Variants in ADGRV1 observed in about 807,000 individuals in gnomAD.
The protein encoded by ADGRV1 is G-protein coupled receptor 98.
Under a neutral mutation model 596.2 loss-of-function variants are expected in ADGRV1, and 359 were observed. That is an observed-to-expected ratio of 0.60 (90% CI 0.55 to 0.66). The LOEUF (loss-of-function observed/expected upper bound fraction) is 0.66, where lower values mean the gene tolerates loss of function less well. Ranked by LOEUF, ADGRV1 falls within the 30% of genes least tolerant of loss-of-function variation. The pLI is 0.00. For synonymous variants in ADGRV1, 2,681 were observed against 2,679.2 expected (o/e 1.00, Z -0.02); for missense variants, 7,274 against 7,575.6 (o/e 0.96, Z 1.48).
At chr5:90,960,621 C>A (rs576647043) in intron 83 of ADGRV1, among the ~76,000 whole-genome samples, 1 of 151,986 alleles carries the variant, frequency 6.6e-6, no homozygotes, top group South Asian at 2.1e-4. Flanking sequence ...AAAGGAATAA[C>A]CAGGTATTAA....
rs78871034 is a variant in ADGRV1, at chr5:90,762,994, G to A, written c.12121-311G>A. On this transcript the variant is annotated intron_variant, in intron 58 of 89. Coordinates refer to ENST00000405460, the MANE Select transcript of ADGRV1 (RefSeq NM_032119.4). ...CCTGCCAAATGGAAAAGTAGAGGAT[G>A]TGGGGTCTTGTGTGGGTGTTTATGG... is the stretch of plus-strand genomic sequence containing the variant. The A allele has an allele frequency of 8.8e-3, 1,731 of 196,942 alleles. 39 individuals are homozygous for A. Among genetic ancestry groups the A allele is most frequent in the African/African-American group, 0.038 (1,631 of 43,132 alleles). 12.2% of individuals were successfully genotyped at this position (196,942 alleles called of 1,614,324 possible). A position where few individuals can be genotyped will look rare whatever the true frequency, so the allele number is the denominator to read the frequency against.
intron 83 of ADGRV1, among the ~76,000 whole-genome samples, chr5:90,956,638 C>A (rs1410224448): frequency 6.6e-6 from 1 of 152,126 alleles, no homozygotes; most frequent in African/African-American, 2.4e-5. Flanking sequence ...TTTCAGCCAG[C>A]CTTTGCACTC....
Position 90,810,725 on chromosome 5 carries a change from T to C in ADGRV1, c.15465T>C (p.Thr5155=). ...AVDTTLIPVE[T]ESTTYLSTSK... ...ACACAACTCTCATTCCTGTAGAAACTGAATCCACCACATACCTCAGCACAA... is the reference window on the plus strand; with the variant it reads ...ACACAACTCTCATTCCTGTAGAAACCGAATCCACCACATACCTCAGCACAA... The change falls in exon 74 of 90, where the codon ACT becomes ACC. Residue 5155 remains threonine, a synonymous_variant. Coordinates refer to ENST00000405460, the MANE Select transcript of ADGRV1 (RefSeq NM_032119.4). 1 of 1,613,830 alleles carries C rather than the reference T, an allele frequency of 6.2e-7. No individual in the cohort carries two copies. The highest frequency in any genetic ancestry group is 2.2e-5 in the East Asian group (1 of 44,868).
chr5:91,133,975 A>G (rs897041207), intron 87 of ADGRV1, among the ~76,000 whole-genome samples: 3 of 152,230 alleles, frequency 2.0e-5, no homozygotes, highest in African/African-American at 7.2e-5. Flanking sequence ...CTTCAGTTCC[A>G]TAAACTAATA....
chr5:90,644,019 T>C, intron 14 of ADGRV1, 36 bp downstream of exon 14: 2 of 1,315,262 alleles, frequency 1.5e-6, no homozygotes, highest in Non-Finnish European at 2.0e-6. Context: ...TATTTCTGTT[T>C]ACTGAAGAAG....
At chr5:91,038,904 A>G (rs571779597) in intron 85 of ADGRV1, among the ~76,000 whole-genome samples, 17 of 152,176 alleles carry the variant, frequency 1.1e-4, no homozygotes, top group East Asian at 3.9e-4. Flanking sequence ...TCCTACCAGT[A>G]TGATCCCTTT....
Position 90,711,164 on chromosome 5 carries a change from G to T in ADGRV1, c.8904-20G>T. On this transcript the variant is annotated intron_variant, in intron 40 of 89. Transcript: ENST00000405460. ...AAATTAATTTTTTTTGTTTGTTTTT[G>T]TTTTTTTGCTATATTATAGGTTTGA... 2 of 1,587,816 alleles carry T rather than the reference G, an allele frequency of 1.3e-6. No homozygotes were observed. Among genetic ancestry groups the T allele is most frequent in the Admixed American group, 3.7e-5 (2 of 54,250 alleles).
At chr5:90,765,471 A>AC (rs1561684844) in intron 59 of ADGRV1, among the ~76,000 whole-genome samples, 51 of 113,654 alleles carry the variant, frequency 4.5e-4, no homozygotes, top group Middle Eastern at 9.9e-3. Flanking sequence ...ACACACACAC[A>AC]AACTCTAGAT....
At chr5:91,043,578 C>G (rs901299213) in intron 85 of ADGRV1, among the ~76,000 whole-genome samples, 4 of 152,128 alleles carry the variant, frequency 2.6e-5, no homozygotes, top group African/African-American at 9.7e-5. Flanking sequence ...AATAAGCTCT[C>G]TGTGCCTCAG....
intron 48 of ADGRV1, 24 bp downstream of exon 48, chr5:90,725,680 G>T (rs62373960): frequency 1.1e-6 from 1 of 900,224 alleles, no homozygotes; most frequent in Non-Finnish European, 1.6e-6. Flanking sequence ...AAAATGAAGT[G>T]GGTTTTTTTT....
At chr5:91,073,459 A>G (rs1320064120) in intron 86 of ADGRV1, among the ~76,000 whole-genome samples, 1 of 152,216 alleles carries the variant, frequency 6.6e-6, no homozygotes, top group Admixed American at 6.5e-5. Flanking sequence ...TAGCATATAT[A>G]AGGTCTCTAG....
At chr5:90,932,337 C>T (rs539075320) in intron 83 of ADGRV1, among the ~76,000 whole-genome samples, 2 of 152,190 alleles carry the variant, frequency 1.3e-5, no homozygotes, top group African/African-American at 2.4e-5. Context: ...CAGGGTGTCC[C>T]GCTGACTTTC....
In ADGRV1 at chr5:90,622,731, ATTTATT is replaced by A. The variant is rs752540803; in HGVS notation, c.558+44_558+49del. ...GTTTACTCTGAAGTCATTTTATTTT[ATTTATT>A]TTTATTTTTATTTATTTATTTTTGA... On this transcript the variant is annotated intron_variant, in intron 5 of 89. Transcript: ENST00000405460. 42 of 975,002 alleles carry A rather than the reference ATTTATT, an allele frequency of 4.3e-5. No individual in the cohort carries two copies. The African/African-American group carries it at 6.7e-4, about 16-fold the overall frequency. The allele number at this position is 975,002 out of a possible 1,614,324, so 60.4% of individuals were successfully genotyped here.
In ADGRV1 at chr5:91,123,416, C is replaced by G. The variant is rs933559857; in HGVS notation, c.18432+21076C>G. Among the ~76,000 whole-genome samples, 8 of 152,108 alleles carry G rather than the reference C, an allele frequency of 5.3e-5. 1 individual carries two copies. Among genetic ancestry groups the G allele is most frequent in the African/African-American group, 1.4e-4 (6 of 41,488 alleles). On this transcript the variant is annotated intron_variant, in intron 87 of 89. Coordinates refer to ENST00000405460, the MANE Select transcript of ADGRV1 (RefSeq NM_032119.4). ...GAGGGCCTGTTTCTCGTAGATGGTG[C>G]CTTCTCTGTGTCCTCACATGGCAGA... is the stretch of plus-strand genomic sequence containing the variant.
At chr5:90,563,238 G>T (rs1755096440) in intron 1 of ADGRV1, among the ~76,000 whole-genome samples, 1 of 152,182 alleles carries the variant, frequency 6.6e-6, no homozygotes. Flanking sequence ...TTGCTGAAAG[G>T]CAATTAGCAT....
At chr5:91,143,216 C>T (rs1343451237) in intron 87 of ADGRV1, among the ~76,000 whole-genome samples, 8 of 152,232 alleles carry the variant, frequency 5.3e-5, no homozygotes, top group Admixed American at 5.2e-4. Context: ...GAGGGTGTCA[C>T]TGCCCTGGCT....
intron 21 of ADGRV1, among the ~76,000 whole-genome samples, chr5:90,662,444 C>A (rs1379861260): frequency 3.3e-5 from 5 of 152,050 alleles, no homozygotes; most frequent in Non-Finnish European, 5.9e-5. Context: ...CCACCTACCT[C>A]AGCCTCCCAA....
rs571778988 is a variant in ADGRV1 at position 90,590,048 on chromosome 5, C to A, written c.23-24787C>A. Among the ~76,000 whole-genome samples, 234 of 151,660 alleles carry A rather than the reference C, an allele frequency of 1.5e-3. 3 individuals carry two copies. The highest frequency in any genetic ancestry group is 2.1e-3 in the South Asian group (10 of 4,782). ...CATCATGAAACTCATTTAAAATATA[C>A]CTTGATATTTTATGATATGACTTCC... On this transcript the variant is annotated intron_variant, in intron 1 of 89. Transcript: ENST00000405460.
intron 63 of ADGRV1, 70 bp from the exon 64 acceptor site, chr5:90,778,795 G>A (rs1400812215): frequency 1.8e-5 from 23 of 1,271,964 alleles, no homozygotes; most frequent in East Asian, 2.3e-5. Context: ...TAAATAGAAC[G>A]TTTAGTTACA....
Sources: allele counts gnomAD v4.1 joint callset (sites outside exome capture counted in the v4.1 genomes callset), GRCh38; gene constraint gnomAD v4.1.1; transcripts MANE v1.5; gene names NCBI Gene and HGNC (gene_info 2026-07-23, HGNC 2026-07-21).